The following PRKAG2 variants were observed in gnomAD, a reference collection of about 807,000 sequenced individuals.
The protein encoded by PRKAG2 is protein kinase AMP-activated non-catalytic subunit gamma 2.
Under a neutral mutation model 69.6 loss-of-function variants are expected in PRKAG2, and 26 were observed. The ratio of observed to expected loss-of-function variants is 0.37; its 90% confidence interval spans 0.27 to 0.52. The LOEUF is 0.52. Ranked by LOEUF, PRKAG2 falls within the 20% of genes least tolerant of loss-of-function variation. The pLI is 0.90. For synonymous variants in PRKAG2, 293 were observed against 285.0 expected (o/e 1.03, Z -0.28); for missense variants, 557 against 740.0 (o/e 0.75, Z 2.87).
intron 3 of PRKAG2, among the ~76,000 whole-genome samples, chr7:151,744,185 T>A (rs1221368727): frequency 6.6e-6 from 1 of 152,090 alleles, no homozygotes; most frequent in Non-Finnish European, 1.5e-5. Context: ...CAGACTCCGG[T>A]GACCCAAAAC....
chr7:151,778,756 T>C (rs2076524736), intron 3 of PRKAG2, among the ~76,000 whole-genome samples: 1 of 152,260 alleles, frequency 6.6e-6, no homozygotes, highest in African/African-American at 2.4e-5. Context: ...GTATTCATTT[T>C]TAATTACCAA....
At chr7:151,596,188 T>C (rs751049782) in intron 5 of PRKAG2, among the ~76,000 whole-genome samples, 11 of 152,202 alleles carry the variant, frequency 7.2e-5, no homozygotes, top group Non-Finnish European at 1.6e-4. Flanking sequence ...AAATTGTCCC[T>C]GTTTGCAGAT....
intron 3 of PRKAG2, among the ~76,000 whole-genome samples, chr7:151,720,150 C>T (rs1796816311): frequency 6.6e-6 from 1 of 152,160 alleles, no homozygotes; most frequent in African/African-American, 2.4e-5. Flanking sequence ...TTTCTTCTTT[C>T]TCTCCCTCCA....
intron 1 of PRKAG2, among the ~76,000 whole-genome samples, chr7:151,864,385 T>C (rs1163197727): frequency 6.6e-6 from 1 of 152,182 alleles, no homozygotes; most frequent in Non-Finnish European, 1.5e-5. Context: ...TGTTTCCTCA[T>C]TATACGGCGG....
At chr7:151,770,306 C>T (rs527539795) in intron 3 of PRKAG2, among the ~76,000 whole-genome samples, 2 of 152,318 alleles carry the variant, frequency 1.3e-5, no homozygotes, top group African/African-American at 2.4e-5. Flanking sequence ...ATAGGGCCTA[C>T]TGTAATCCAT....
chr7:151,825,036 A>AC (rs1214166733), intron 1 of PRKAG2, among the ~76,000 whole-genome samples: 1 of 133,434 alleles, frequency 7.5e-6, no homozygotes, highest in African/African-American at 2.8e-5. Flanking sequence ...ACATGGTGAA[A>AC]CCCCGTCTCT....
intron 3 of PRKAG2, among the ~76,000 whole-genome samples, chr7:151,698,471 G>A (rs976318891): frequency 5.9e-5 from 9 of 152,110 alleles, no homozygotes; most frequent in Non-Finnish European, 1.3e-4. Context: ...TCATGGGGGC[G>A]AATGTCGTGG....
intron 5 of PRKAG2, among the ~76,000 whole-genome samples, chr7:151,605,462 C>T (rs1415329188): frequency 1.3e-5 from 2 of 151,782 alleles, no homozygotes; most frequent in Admixed American, 1.3e-4. Context: ...TGGCTGGGTG[C>T]AGTGGCTCAC....
rs11329945 is a variant in PRKAG2 at position 151,556,179 on chromosome 7, C to CA, written c.*1021dup. 7,101 of 143,576 alleles carry CA rather than the reference C, an allele frequency of 0.049. 398 individuals carry two copies. Among genetic ancestry groups the CA allele is most frequent in the African/African-American group, 0.15 (5,657 of 38,898 alleles). 8.9% of individuals were successfully genotyped at this position (143,576 alleles called of 1,614,324 possible). ...CAATCTGAAAAAAAAAAACCCAAAA[C>CA]AAAAAAAAAACAAACTATCCTCATA... On this transcript the variant is annotated 3_prime_UTR_variant, in exon 16 of 16. Transcript: ENST00000287878.
At chr7:151,715,343 AAAAAATT>A (rs1796005502) in intron 3 of PRKAG2, among the ~76,000 whole-genome samples, 1 of 148,008 alleles carries the variant, frequency 6.8e-6, no homozygotes, top group African/African-American at 2.5e-5. Context: ...AAAAAAAAAA[AAAAAATT>A]ATTATTATTT....
intron 3 of PRKAG2, among the ~76,000 whole-genome samples, chr7:151,694,652 A>G (rs576734288): frequency 6.8e-6 from 1 of 147,432 alleles, no homozygotes; most frequent in African/African-American, 2.5e-5. Context: ...GCTGAATACT[A>G]TTCCACCACA....
intron 4 of PRKAG2, among the ~76,000 whole-genome samples, chr7:151,672,992 G>A (rs1832315183): frequency 6.6e-6 from 1 of 152,154 alleles, no homozygotes; most frequent in Admixed American, 6.5e-5. Flanking sequence ...GCGTGGTTGT[G>A]TGGGGTATAA....
chr7:151,752,750 A>G (rs1302595790), intron 3 of PRKAG2, among the ~76,000 whole-genome samples: 1 of 152,240 alleles, frequency 6.6e-6, no homozygotes, highest in African/African-American at 2.4e-5. Context: ...GGTAATTACT[A>G]TAGTAACAAT....
intron 3 of PRKAG2, among the ~76,000 whole-genome samples, chr7:151,742,913 G>GA (rs2074001027): frequency 6.6e-6 from 1 of 152,324 alleles, no homozygotes; most frequent in African/African-American, 2.4e-5. Flanking sequence ...GATTAGAGAT[G>GA]AACGCTGATG....
chr7:151,673,998 C>T (rs948309784), intron 4 of PRKAG2, among the ~76,000 whole-genome samples: 4 of 151,936 alleles, frequency 2.6e-5, no homozygotes, highest in Non-Finnish European at 5.9e-5. Context: ...CCCACCACCA[C>T]GCCAAGATAA....
In PRKAG2 at chr7:151,807,424, A is replaced by C. The variant is rs755374628; in HGVS notation, c.115-20883T>G. On this transcript the variant is annotated intron_variant, in intron 1 of 15. Transcript: ENST00000287878. The surrounding 1 kb of genome is among the most constrained non-coding windows in gnomAD (Gnocchi z 4.4). ...GTGCTGTGGGTGACGGTCATACTTT[A>C]TTCTCTAAAACTCTCCAGTTTCAAT... The C allele has an allele frequency of 3.7e-5, 17 of 457,752 alleles. No individual in the cohort carries two copies. Among genetic ancestry groups the C allele is most frequent in the Admixed American group, 2.3e-5 (1 of 42,566 alleles). 28.4% of individuals were successfully genotyped at this position (457,752 alleles called of 1,614,324 possible).
intron 3 of PRKAG2, among the ~76,000 whole-genome samples, chr7:151,765,139 T>G (rs2075663419): frequency 6.6e-6 from 1 of 152,190 alleles, no homozygotes; most frequent in South Asian, 2.1e-4. Context: ...AGGAACTACC[T>G]GAAACTGGGT....
At position 151,572,768 on chromosome 7, in the gene PRKAG2, G is replaced by C. The variant is rs578093038; in HGVS notation, c.1006-59C>G. 1.6e-4 allele frequency: 174 copies of C among 1,101,982 alleles called. 1 individual carries two copies. In the South Asian group the frequency reaches 2.5e-3, roughly 16 times the overall value. 68.3% of individuals were successfully genotyped at this position (1,101,982 alleles called of 1,614,324 possible). A position where few individuals can be genotyped will look rare whatever the true frequency, so the allele number is the denominator to read the frequency against. On this transcript the variant is annotated intron_variant, in intron 8 of 15. Transcript: ENST00000287878. ...CATATACAACATAGAAAAAATATTTGGAAAATGAAACAAAACATAGCTTGG... is the reference window on the plus strand; with the variant it reads ...CATATACAACATAGAAAAAATATTTCGAAAATGAAACAAAACATAGCTTGG...
chr7:151,876,687 C>T lies in PRKAG2; in HGVS notation c.-67G>A. ...TCGGTCCCCTCCTTCCCTCCCCCGG[C>T]CGCTGCCTTCGGACTGGAGCCGCGC... On this transcript the variant is annotated 5_prime_UTR_variant, in exon 1 of 16. Coordinates refer to ENST00000287878, the MANE Select transcript of PRKAG2 (RefSeq NM_016203.4). 2 of 1,481,614 alleles carry T rather than the reference C, an allele frequency of 1.3e-6. No individual in the cohort carries two copies. The highest frequency in any genetic ancestry group is 2.3e-5 in the East Asian group (1 of 43,588). The allele number at this position is 1,481,614 out of a possible 1,614,324, so 91.8% of individuals were successfully genotyped here.
Sources: allele counts gnomAD v4.1 joint callset (sites outside exome capture counted in the v4.1 genomes callset), GRCh38; gene constraint gnomAD v4.1.1; non-coding constraint Gnocchi (gnomAD v3.1); transcripts MANE v1.5; gene names NCBI Gene and HGNC (gene_info 2026-07-23, HGNC 2026-07-21).